The following ACYP2 variants were observed in gnomAD, a reference collection of about 807,000 sequenced individuals.
ACYP2 encodes acylphosphatase-2.
A neutral mutation model predicts 11.2 loss-of-function variants in ACYP2; 12 were observed. The ratio of observed to expected loss-of-function variants is 1.08; its 90% CI spans 0.69 to 1.74. The LOEUF (loss-of-function observed/expected upper bound fraction) is 1.74, where lower values mean the gene tolerates loss of function less well. Among genes scored for constraint, ACYP2 ranks in the 40% most tolerant of loss-of-function variants. The probability of loss-of-function intolerance (pLI) is 0.00; values close to 1 mark genes in which losing one functional copy is unlikely to be tolerated. For synonymous variants in ACYP2, 43 were observed against 32.2 expected (o/e 1.33, Z -1.13); for missense variants, 134 against 101.9 (o/e 1.31, Z -1.35).
chr2:54,241,739 G>A (rs1383402537), intron 6 of ACYP2, among the ~76,000 whole-genome samples: 2 of 152,210 alleles, frequency 1.3e-5, no homozygotes, highest in East Asian at 1.9e-4. Context: ...GAGGCCAGGC[G>A]CAGTGGCTCA....
At chr2:54,198,829 C>G (rs1015743533) in intron 6 of ACYP2, among the ~76,000 whole-genome samples, 2 of 152,128 alleles carry the variant, frequency 1.3e-5, no homozygotes, top group African/African-American at 4.8e-5. Flanking sequence ...GTACTTTGTT[C>G]TTACCAGAAC....
chr2:54,090,663 C>T (rs1678179280), intron 4 of ACYP2, among the ~76,000 whole-genome samples: 1 of 152,082 alleles, frequency 6.6e-6, no homozygotes, highest in Admixed American at 6.5e-5. Context: ...TGTTTCCTCC[C>T]TTCCTGCCTT....
At chr2:54,264,609 G>T (rs976012596) in intron 6 of ACYP2, among the ~76,000 whole-genome samples, 1 of 152,330 alleles carries the variant, frequency 6.6e-6, no homozygotes, top group East Asian at 1.9e-4. Flanking sequence ...AAGGTCCAAG[G>T]TAATTGCCCA....
intron 2 of ACYP2, among the ~76,000 whole-genome samples, chr2:53,978,833 G>C (rs1671615853): frequency 6.6e-6 from 1 of 152,218 alleles, no homozygotes; most frequent in African/African-American, 2.4e-5. Context: ...TGAGGTGGGA[G>C]GATGGCCTAA....
intron 6 of ACYP2, among the ~76,000 whole-genome samples, chr2:54,153,793 G>T (rs1409325914): frequency 6.6e-6 from 1 of 151,790 alleles, no homozygotes; most frequent in Admixed American, 6.6e-5. Flanking sequence ...GTAGAGATGA[G>T]GTTTCACTGA....
chr2:53,986,787 G>T (rs1003814246), intron 2 of ACYP2, among the ~76,000 whole-genome samples: 5 of 151,698 alleles, frequency 3.3e-5, no homozygotes, highest in African/African-American at 1.2e-4. Context: ...ACCATGCCCA[G>T]GTAATTTTTG....
At chr2:54,071,831 CA>C (rs1444807032) in intron 4 of ACYP2, among the ~76,000 whole-genome samples, 1 of 152,006 alleles carries the variant, frequency 6.6e-6, no homozygotes, top group African/African-American at 2.4e-5. Context: ...GTCAACATGA[CA>C]AAACCCCATC....
intron 6 of ACYP2, among the ~76,000 whole-genome samples, chr2:54,296,958 G>T (rs893371321): frequency 1.3e-5 from 2 of 152,058 alleles, no homozygotes; most frequent in African/African-American, 4.8e-5. Context: ...AGAAATACTA[G>T]ATTTCAATGG....
chr2:54,201,639 T>TTTC, intron 6 of ACYP2, among the ~76,000 whole-genome samples: 1 of 63,128 alleles, frequency 1.6e-5, no homozygotes, highest in Admixed American at 1.4e-4. Context: ...TTTCTTTCTC[T>TTTC]TTCTTTCTTT....
chr2:54,216,134 C>T (rs2103940166), intron 6 of ACYP2, among the ~76,000 whole-genome samples: 1 of 152,284 alleles, frequency 6.6e-6, no homozygotes, highest in African/African-American at 2.4e-5. Flanking sequence ...AATAATTCAT[C>T]CCCCTGCTAA....
intron 4 of ACYP2, among the ~76,000 whole-genome samples, chr2:54,092,565 G>C (rs1020299407): frequency 5.9e-5 from 9 of 152,200 alleles, no homozygotes; most frequent in African/African-American, 2.2e-4. Context: ...TGCTAGGTGA[G>C]GGTGAGGGGA....
chr2:54,051,730 A>G (rs1013600604), intron 3 of ACYP2: 2 of 571,050 alleles, frequency 3.5e-6, no homozygotes, highest in Non-Finnish European at 6.4e-6. Flanking sequence ...AGGAATCATC[A>G]AGGCTGAAAA....
At chr2:54,115,336 C>A in intron 4 of ACYP2, 1 of 496,096 alleles carries the variant, frequency 2.0e-6, no homozygotes. Flanking sequence ...CTGGGGGAAG[C>A]CACTCTTTTT....
chr2:54,063,550 A>G (rs1676578496), intron 4 of ACYP2, among the ~76,000 whole-genome samples: 1 of 152,160 alleles, frequency 6.6e-6, no homozygotes, highest in African/African-American at 2.4e-5. Flanking sequence ...AACAGAGAGA[A>G]ATCAGGCAAT....
intron 6 of ACYP2, among the ~76,000 whole-genome samples, chr2:54,270,320 G>C (rs1034188533): frequency 1.7e-4 from 26 of 152,184 alleles, no homozygotes; most frequent in African/African-American, 6.3e-4. Context: ...ATTTCTCCTA[G>C]TTTGCTAAAA....
At chr2:54,024,993 TGCAAA>T (rs1674203656) in intron 2 of ACYP2, among the ~76,000 whole-genome samples, 1 of 151,950 alleles carries the variant, frequency 6.6e-6, no homozygotes, top group Non-Finnish European at 1.5e-5. Context: ...TTACAACAGC[TGCAAA>T]ACAAAACAAA....
At chr2:54,079,566 G>C (rs1356434374) in intron 4 of ACYP2, among the ~76,000 whole-genome samples, 1 of 152,144 alleles carries the variant, frequency 6.6e-6, no homozygotes, top group African/African-American at 2.4e-5. Context: ...TGTCAAAAAG[G>C]CAGCATTAGG....
chr2:54,300,186 G>C (rs776631015), intron 6 of ACYP2, among the ~76,000 whole-genome samples: 4 of 152,132 alleles, frequency 2.6e-5, no homozygotes, highest in Non-Finnish European at 5.9e-5. Flanking sequence ...TCTTGATCCT[G>C]TTTCTTCTGA....
At chr2:54,158,593 A>G (rs891808163) in intron 6 of ACYP2, among the ~76,000 whole-genome samples, 1 of 152,190 alleles carries the variant, frequency 6.6e-6, no homozygotes, top group Non-Finnish European at 1.5e-5. Context: ...TGCCACTGAC[A>G]TGAGATATGT....
Sources: allele counts gnomAD v4.1 joint callset (sites outside exome capture counted in the v4.1 genomes callset), GRCh38; gene constraint gnomAD v4.1.1; transcripts MANE v1.5; gene names NCBI Gene and HGNC (gene_info 2026-07-23, HGNC 2026-07-21).